DOCK4: variants seen among roughly 807,000 people sequenced by gnomAD.
DOCK4 encodes dedicator of cytokinesis protein 4.
A neutral mutation model predicts 268.1 loss-of-function variants in DOCK4; 97 were observed. That is an observed-to-expected ratio of 0.36 (90% CI 0.31 to 0.43). DOCK4 has a LOEUF of 0.43. Among genes scored for constraint, DOCK4 ranks in the 20% least tolerant of loss-of-function variants. DOCK4 has a pLI of 1.00. For synonymous variants in DOCK4, 954 were observed against 887.2 expected (o/e 1.08, Z -1.34); for missense variants, 2,145 against 2,455.7 (o/e 0.87, Z 2.67).
intron 8 of DOCK4, among the ~76,000 whole-genome samples, chr7:111,949,666 T>C (rs926736981): frequency 2.0e-5 from 3 of 152,052 alleles, no homozygotes; most frequent in South Asian, 2.1e-4. Context: ...AAAACATCTA[T>C]GGCCAATAAA....
At chr7:111,991,421 T>A (rs972125053) in intron 5 of DOCK4, among the ~76,000 whole-genome samples, 1 of 152,236 alleles carries the variant, frequency 6.6e-6, no homozygotes, top group Admixed American at 6.5e-5. Flanking sequence ...TGCTTTTGAT[T>A]TAATGCTAAA....
intron 1 of DOCK4, among the ~76,000 whole-genome samples, chr7:112,072,398 T>C (rs926538786): frequency 6.6e-6 from 1 of 152,214 alleles, no homozygotes; most frequent in African/African-American, 2.4e-5. Context: ...TAGGGTCAGA[T>C]GTGTTGTGTA....
chr7:112,065,875 T>C (rs765976703), intron 1 of DOCK4, among the ~76,000 whole-genome samples: 4 of 152,176 alleles, frequency 2.6e-5, no homozygotes, highest in African/African-American at 4.8e-5. Flanking sequence ...TTTGATGTAA[T>C]GCCAGACATC....
At chr7:111,859,111 T>C (rs1443403588) in intron 23 of DOCK4, among the ~76,000 whole-genome samples, 2 of 152,158 alleles carry the variant, frequency 1.3e-5, no homozygotes, top group Non-Finnish European at 2.9e-5. Context: ...CTCAACCCCC[T>C]GGGCTCAAGT....
At chr7:112,089,830 G>C (rs1479783428) in intron 1 of DOCK4, among the ~76,000 whole-genome samples, 1 of 152,144 alleles carries the variant, frequency 6.6e-6, no homozygotes, top group Non-Finnish European at 1.5e-5. Context: ...CACACTTCCT[G>C]TACAGCCTGC....
At chr7:111,796,839 G>A (rs997352746) in intron 30 of DOCK4, among the ~76,000 whole-genome samples, 12 of 152,242 alleles carry the variant, frequency 7.9e-5, no homozygotes, top group Admixed American at 3.3e-4. Flanking sequence ...CTAAGGTTGC[G>A]TGGGTAAGCG....
intron 13 of DOCK4, among the ~76,000 whole-genome samples, chr7:111,906,008 C>G (rs1791539204): frequency 6.6e-6 from 1 of 152,148 alleles, no homozygotes; most frequent in Non-Finnish European, 1.5e-5. Flanking sequence ...AAGGCACTAT[C>G]ATTTCCATTT....
intron 11 of DOCK4, 64 bp from the exon 12 acceptor site, chr7:111,935,692 A>T (rs1794687077): frequency 7.2e-7 from 1 of 1,392,948 alleles, no homozygotes; most frequent in African/African-American, 1.4e-5. Context: ...TGATCCTCAT[A>T]GTACATCTGC....
At chr7:111,818,497 C>T (rs986007802) in intron 27 of DOCK4, among the ~76,000 whole-genome samples, 1 of 152,308 alleles carries the variant, frequency 6.6e-6, no homozygotes, top group African/African-American at 2.4e-5. Context: ...TACTTTTCTT[C>T]TCTCCCACCC....
At chr7:111,915,357 A>G (rs1444996372) in intron 13 of DOCK4, among the ~76,000 whole-genome samples, 1 of 152,156 alleles carries the variant, frequency 6.6e-6, no homozygotes, top group African/African-American at 2.4e-5. Flanking sequence ...ACATATGGCT[A>G]ACTAGTGTTC....
chr7:111,943,508 C>G (rs1795366189), intron 10 of DOCK4, among the ~76,000 whole-genome samples: 2 of 152,168 alleles, frequency 1.3e-5, no homozygotes, highest in Admixed American at 1.3e-4. Flanking sequence ...ATATATAAAA[C>G]CACATTTTAC....
rs552679523 is a variant in DOCK4, at chr7:112,098,241, C to T, written c.38-94110G>A. On this transcript the variant is annotated intron_variant, in intron 1 of 52. Transcript: ENST00000428084. ...TTGCCCAGGCTGGAGTGCAGTGGTG[C>T]GATCTTGGTTCACTGCAACCTCCGC... 4.1e-4 allele frequency among the ~76,000 whole-genome samples: 62 copies of T among 151,990 alleles called. 1 individual carries two copies. The South Asian group carries it at 0.011, about 27-fold the overall frequency.
chr7:111,926,873 G>C (rs1793751107), intron 12 of DOCK4, among the ~76,000 whole-genome samples: 1 of 142,416 alleles, frequency 7.0e-6, no homozygotes, highest in African/African-American at 2.7e-5. Flanking sequence ...GAGAGAGAAA[G>C]GAAGGAAGGA....
chr7:112,157,491 G>T (rs1304447527), intron 1 of DOCK4, among the ~76,000 whole-genome samples: 3 of 152,086 alleles, frequency 2.0e-5, no homozygotes, highest in African/African-American at 4.8e-5. Flanking sequence ...TCTTCATTTA[G>T]CATCAAGGAT....
intron 9 of DOCK4, 103 bp downstream of exon 9, chr7:111,945,614 A>T (rs1795557432): frequency 9.9e-7 from 1 of 1,007,750 alleles, no homozygotes; most frequent in Non-Finnish European, 1.5e-6. Flanking sequence ...CATAAAGTTT[A>T]AAAGCAAATT....
intron 1 of DOCK4, among the ~76,000 whole-genome samples, chr7:112,139,763 T>C (rs1415101879): frequency 6.6e-6 from 1 of 152,176 alleles, no homozygotes; most frequent in East Asian, 1.9e-4. Flanking sequence ...AAAATCATTA[T>C]CTTTTTTGTA....
chr7:111,916,425 G>A (rs1036942969), intron 12 of DOCK4, among the ~76,000 whole-genome samples: 5 of 152,102 alleles, frequency 3.3e-5, no homozygotes, highest in African/African-American at 9.7e-5. Flanking sequence ...TAACAAAGCC[G>A]ATTATAATGA....
intron 7 of DOCK4, 36 bp downstream of exon 7, chr7:111,984,270 G>A: frequency 6.4e-7 from 1 of 1,565,772 alleles, no homozygotes; most frequent in South Asian, 1.2e-5. Flanking sequence ...CAGAAAATTA[G>A]CAGGAAGACT....
Position 111,736,877 on chromosome 7 carries a change from C to A in DOCK4, c.5305+40G>T, listed in dbSNP as rs184672508. 203 of 1,545,332 alleles carry A rather than the reference C, an allele frequency of 1.3e-4. 1 individual carries two copies. In the African/African-American group the frequency reaches 2.6e-3, roughly 20 times the overall value. ...CTGGAGAACATGAGGATAAAACAAGCCCTTACACATTCCAGGACTGACCAT... is the reference window on the plus strand; with the variant it reads ...CTGGAGAACATGAGGATAAAACAAGACCTTACACATTCCAGGACTGACCAT... On this transcript the variant is annotated intron_variant, in intron 50 of 52. Coordinates refer to ENST00000428084, the MANE Select transcript of DOCK4 (RefSeq NM_001363540.2).
Sources: gnomAD v4.1 joint callset for allele counts (sites outside exome capture counted in the v4.1 genomes callset) on GRCh38, gnomAD v4.1.1 for gene constraint, MANE v1.5 for transcripts, NCBI Gene and HGNC (gene_info 2026-07-23, HGNC 2026-07-21) for gene names.